The following INPP5D variants were observed in gnomAD, a reference collection of about 807,000 sequenced individuals.
The protein encoded by INPP5D is inositol polyphosphate-5-phosphatase D.
INPP5D carries 33 observed loss-of-function variants against 122.9 expected under a neutral mutation model. That is an observed-to-expected ratio of 0.27 (90% confidence interval 0.20 to 0.36). INPP5D has a LOEUF of 0.36. Ranked by LOEUF, INPP5D falls within the 10% of genes least tolerant of loss-of-function variation. The pLI is 1.00. For synonymous variants in INPP5D, 584 were observed against 576.2 expected, an observed-to-expected ratio of 1.01 and a Z score of -0.19; for missense variants, 1,053 against 1,412.7, an observed-to-expected ratio of 0.75 and a Z score of 4.08.
intron 9 of INPP5D, among the ~76,000 whole-genome samples, chr2:233,151,313 T>C (rs1366160392): frequency 9.2e-6 from 1 of 109,138 alleles, no homozygotes; most frequent in Admixed American, 9.7e-5. Context: ...TCTCTAAAAA[T>C]TAATAATAAT....
At chr2:233,138,188 A>G (rs192903276) in intron 5 of INPP5D, among the ~76,000 whole-genome samples, 64 of 150,960 alleles carry the variant, frequency 4.2e-4, no homozygotes, top group Non-Finnish European at 2.4e-4. Flanking sequence ...CGTCTCTACT[A>G]AAAATACAAA....
chr2:233,194,479 T>C (rs1695131267), intron 23 of INPP5D, among the ~76,000 whole-genome samples: 1 of 146,088 alleles, frequency 6.8e-6, no homozygotes, highest in South Asian at 2.1e-4. Context: ...TTCTGTACCT[T>C]CTAAACTGCT....
chr2:233,063,300 A>G (rs534245713), intron 1 of INPP5D, among the ~76,000 whole-genome samples: 1 of 152,354 alleles, frequency 6.6e-6, no homozygotes, highest in South Asian at 2.1e-4. Context: ...ATGGCCCCTC[A>G]GATCACCCAG....
At chr2:233,196,174 G>A (rs1010913481) in intron 24 of INPP5D, among the ~76,000 whole-genome samples, 1 of 152,174 alleles carries the variant, frequency 6.6e-6, no homozygotes, top group Non-Finnish European at 1.5e-5. Context: ...CAGGGCCTGT[G>A]AGAAGGTGAA....
At chr2:233,151,787 C>T (rs1368035413) in intron 9 of INPP5D, among the ~76,000 whole-genome samples, 1 of 152,140 alleles carries the variant, frequency 6.6e-6, no homozygotes, top group Non-Finnish European at 1.5e-5. Flanking sequence ...TCAGTAAATG[C>T]ATATTGAGAG....
At chr2:233,113,298 A>T (rs6712973) in intron 2 of INPP5D, among the ~76,000 whole-genome samples, 60,124 of 151,896 alleles carry the variant, frequency 0.4, 15,328 homozygotes, top group African/African-American at 0.73. Flanking sequence ...GCCTCCTGCA[A>T]CCTGACCACC....
chr2:233,065,307 GTTT>G (rs376982879), intron 1 of INPP5D, among the ~76,000 whole-genome samples: 1,287 of 116,934 alleles, frequency 0.011, 19 homozygotes, highest in African/African-American at 0.04. Flanking sequence ...CACTTCTTGG[GTTT>G]TTTTTTTTTT....
At chr2:233,130,723 C>G in intron 5 of INPP5D, 75 bp downstream of exon 5, 1 of 1,472,256 alleles carries the variant, frequency 6.8e-7, no homozygotes. Flanking sequence ...AGAGCGACCT[C>G]TGCCTCTGCC....
At chr2:233,097,396 CATGTAATTAATAGGTTA>C (rs1322247240) in intron 2 of INPP5D, among the ~76,000 whole-genome samples, 1 of 152,220 alleles carries the variant, frequency 6.6e-6, no homozygotes, top group African/African-American at 2.4e-5. Flanking sequence ...TGTGCAATTA[CATGTAATTAATAGGTTA>C]ATTTATAAAT....
chr2:233,178,387 G>A (rs142323086), intron 18 of INPP5D, among the ~76,000 whole-genome samples: 4 of 152,234 alleles, frequency 2.6e-5, no homozygotes, highest in East Asian at 1.9e-4. Flanking sequence ...CATTACTTAC[G>A]AAGTGAGACC....
In INPP5D at chr2:233,197,731, T is replaced by G. The variant is rs1052388942; in HGVS notation, c.2694-364T>G. Among the ~76,000 whole-genome samples, 7 of 152,200 alleles carry G rather than the reference T, an allele frequency of 4.6e-5. No homozygotes were observed. The highest frequency in any genetic ancestry group is 7.2e-5 in the African/African-American group (3 of 41,444). On this transcript the variant is annotated intron_variant, in intron 24 of 26. Coordinates refer to ENST00000445964, the MANE Select transcript of INPP5D (RefSeq NM_001017915.3). The surrounding 1 kb of genome is among the most constrained non-coding windows in gnomAD (Gnocchi z 4.4). Reference sequence around the variant, plus strand: ...TGCCCAGTTGGTCCCAACACTTCACTAGTCCCCATCTCTGCCCCTTGTTAT... The same window carrying G: ...TGCCCAGTTGGTCCCAACACTTCACGAGTCCCCATCTCTGCCCCTTGTTAT...
chr2:233,126,141 G>A (rs919322446), intron 4 of INPP5D, among the ~76,000 whole-genome samples: 2 of 152,230 alleles, frequency 1.3e-5, no homozygotes, highest in Admixed American at 1.3e-4. Flanking sequence ...AGTGCTCCAC[G>A]GGGGTGGGGG....
rs113774622 is a variant in INPP5D at position 233,129,768 on chromosome 2, A to C, written c.525-740A>C. Among the ~76,000 whole-genome samples, 1,427 of 152,296 alleles carry C rather than the reference A, an allele frequency of 9.4e-3. 8 individuals are homozygous for C. The highest frequency in any genetic ancestry group is 0.013 in the African/African-American group (549 of 41,556). On this transcript the variant is annotated intron_variant, in intron 4 of 26. Transcript: ENST00000445964. ...GAAATTGCAAAGTGCATGGGAGCTA[A>C]AGCCATTTGTTATCTCTAGATCCCA... is the stretch of plus-strand genomic sequence containing the variant.
At chr2:233,066,688 C>T (rs1043053326) in intron 1 of INPP5D, among the ~76,000 whole-genome samples, 4 of 152,162 alleles carry the variant, frequency 2.6e-5, no homozygotes, top group African/African-American at 4.8e-5. Context: ...CGCACTGCAA[C>T]CTCTGTCTCC....
Position 233,105,745 on chromosome 2 carries a change from G to A in INPP5D, c.199-16362G>A, listed in dbSNP as rs199808299. 5.3e-5 allele frequency among the ~76,000 whole-genome samples: 8 copies of A among 152,288 alleles called. No homozygotes were observed. The East Asian group carries it at 1.5e-3, about 29-fold the overall frequency. On this transcript the variant is annotated intron_variant, in intron 2 of 26. Transcript: ENST00000445964. The surrounding 1 kb of genome is among the most constrained non-coding windows in gnomAD (Gnocchi z 4.0). Reference sequence around the variant, plus strand: ...AGGTGATCGTGGGGCGGATCTTGACGAGTAGCTTCGAGGACAGGGGCCACA... The same window carrying A: ...AGGTGATCGTGGGGCGGATCTTGACAAGTAGCTTCGAGGACAGGGGCCACA...
intron 18 of INPP5D, among the ~76,000 whole-genome samples, chr2:233,178,255 C>A (rs1349938953): frequency 6.6e-6 from 1 of 151,984 alleles, no homozygotes; most frequent in Admixed American, 6.6e-5. Flanking sequence ...AACGTAGACT[C>A]CATCTCTGAA....
rs201008767 is a variant in INPP5D at position 233,125,723 on chromosome 2, G to A, written c.350-22G>A. ...TGTGCGCACAGTGTCCTCACCAATGGCCTTCCTGCTGTTCTCTCCAGTAGA... is the reference window on the plus strand; with the variant it reads ...TGTGCGCACAGTGTCCTCACCAATGACCTTCCTGCTGTTCTCTCCAGTAGA... On this transcript the variant is annotated intron_variant, in intron 3 of 26. Coordinates refer to ENST00000445964, the MANE Select transcript of INPP5D (RefSeq NM_001017915.3). 8 of 1,603,574 alleles carry A rather than the reference G, an allele frequency of 5.0e-6. No individual in the cohort carries two copies. In the African/African-American group the frequency reaches 8.0e-5, roughly 16 times the overall value.
At chr2:233,106,596 T>A (rs1692475846) in intron 2 of INPP5D, among the ~76,000 whole-genome samples, 2 of 152,236 alleles carry the variant, frequency 1.3e-5, no homozygotes, top group Non-Finnish European at 2.9e-5. Context: ...AGGGCCCTTC[T>A]GCCACAGCAC....
At chr2:233,179,974 G>A (rs916123023) in intron 18 of INPP5D, among the ~76,000 whole-genome samples, 2 of 152,180 alleles carry the variant, frequency 1.3e-5, no homozygotes, top group Non-Finnish European at 2.9e-5. Flanking sequence ...TCTAGTTGGT[G>A]TCATCTGGGC....
Sources: allele counts gnomAD v4.1 joint callset (sites outside exome capture counted in the v4.1 genomes callset), GRCh38; gene constraint gnomAD v4.1.1; non-coding constraint Gnocchi (gnomAD v3.1); transcripts MANE v1.5; gene names NCBI Gene and HGNC (gene_info 2026-07-23, HGNC 2026-07-21).